SEPTIN9: variants seen among roughly 807,000 people sequenced by gnomAD.
SEPTIN9 encodes septin 9, also known as septin-9.
SEPTIN9 carries 13 observed loss-of-function variants against 56.6 expected under a neutral mutation model. The observed-to-expected ratio is 0.23, with a 90% confidence interval of 0.15 to 0.37. The LOEUF (loss-of-function observed/expected upper bound fraction) is 0.37. SEPTIN9 is among the 10% of genes least tolerant of loss of function. The pLI, the probability that SEPTIN9 is intolerant of heterozygous loss-of-function variation, is 1.00. For missense variants in SEPTIN9, 650 were observed against 823.1 expected, an observed-to-expected ratio of 0.79 and a Z score of 2.57; for synonymous variants, 332 against 334.1, an observed-to-expected ratio of 0.99 and a Z score of 0.07.
chr17:77,347,118 C>T (rs1395691570), intron 2 of SEPTIN9, among the ~76,000 whole-genome samples: 2 of 152,156 alleles, frequency 1.3e-5, no homozygotes. Context: ...TGGCTCACAC[C>T]TGTAATCCCA....
chr17:77,314,341 CTTTTTTTTTT>C (rs33986509), intron 2 of SEPTIN9, among the ~76,000 whole-genome samples: 1 of 67,956 alleles, frequency 1.5e-5, no homozygotes, highest in Non-Finnish European at 2.7e-5. Context: ...TGTGCCTGGA[CTTTTTTTTTT>C]TTTTTTTTTT....
chr17:77,479,762 G>A (rs2039374451), intron 3 of SEPTIN9, among the ~76,000 whole-genome samples: 1 of 152,010 alleles, frequency 6.6e-6, no homozygotes, highest in South Asian at 2.1e-4. Context: ...TGCTGGGGAG[G>A]GTTGAGGGAT....
Position 77,319,999 on chromosome 17 carries a change from C to T in SEPTIN9, c.76+12802C>T. 1 of 1,262,828 alleles carries T rather than the reference C, an allele frequency of 7.9e-7. No individual in the cohort carries two copies. The allele number at this position is 1,262,828 out of a possible 1,614,324, so 78.2% of individuals were successfully genotyped here. On this transcript the variant is annotated intron_variant, in intron 2 of 11. Transcript: ENST00000427177. This position sits in a 1 kb window ranked among gnomAD's most constrained non-coding sequence, Gnocchi z 5.3. ...TCTCGCAGGCAGACCCGGTGGTCTG[C>T]CGGACTCCTCGGGGCCCACTTCGGG...
chr17:77,480,323 T>C (rs898301767), intron 3 of SEPTIN9, among the ~76,000 whole-genome samples: 2 of 152,178 alleles, frequency 1.3e-5, no homozygotes, highest in African/African-American at 4.8e-5. Context: ...CTCTCTCACC[T>C]CTGATGCCTC....
chr17:77,391,597 C>A (rs1048173549), intron 2 of SEPTIN9, among the ~76,000 whole-genome samples: 5 of 152,198 alleles, frequency 3.3e-5, no homozygotes, highest in African/African-American at 1.2e-4. Flanking sequence ...TGATCATGTT[C>A]GCAGGTTCCA....
In SEPTIN9 at chr17:77,323,382, T is replaced by C. The variant is rs1032137919; in HGVS notation, c.76+16185T>C. Among the ~76,000 whole-genome samples the C allele has an allele frequency of 1.2e-4, 18 of 152,170 alleles. No individual in the cohort carries two copies. Among genetic ancestry groups the C allele is most frequent in the African/African-American group, 4.3e-4 (18 of 41,440 alleles). Reference sequence around the variant, plus strand: ...TTTTATCTTGTTCCAAGAGCTTGTATTTCAGCAGGGAGAGAGTCTCCAAGA... The same window carrying C: ...TTTTATCTTGTTCCAAGAGCTTGTACTTCAGCAGGGAGAGAGTCTCCAAGA... On this transcript the variant is annotated intron_variant, in intron 2 of 11. Coordinates refer to ENST00000427177, the MANE Select transcript of SEPTIN9 (RefSeq NM_001113491.2). The surrounding 1 kb of genome is among the most constrained non-coding windows in gnomAD (Gnocchi z 6.8).
At position 77,402,533 on chromosome 17, in the gene SEPTIN9, C is replaced by A; in HGVS notation, c.551C>A (p.Ala184Asp). 1 of 1,607,306 alleles carries A rather than the reference C, an allele frequency of 6.2e-7. No homozygotes were observed. Among genetic ancestry groups the A allele is most frequent in the Non-Finnish European group, 8.5e-7 (1 of 1,177,352 alleles). The change falls in exon 3 of 12, where the codon GCC becomes GAC. Residue 184 changes from alanine (A) to aspartate (D), a missense_variant. Ala to Asp is a moderately radical substitution (Grantham distance 126). This residue lies in a region of SEPTIN9 where 317 missense variants were observed against 329.1 expected (regional missense o/e 0.96). Coordinates refer to ENST00000427177, the MANE Select transcript of SEPTIN9 (RefSeq NM_001113491.2). This position sits in a 1 kb window ranked among gnomAD's most constrained non-coding sequence, Gnocchi z 6.6. ...EVPTAPATDA[A>D]PKRVEIQMPK... is the part of the protein sequence containing the mutation. ...CCCACTGCCCCTGCCACCGACGCAG[C>A]CCCCAAGAGGGTGGAGATCCAGATG...
chr17:77,375,847 G>A (rs950254154), intron 2 of SEPTIN9: 2 of 153,716 alleles, frequency 1.3e-5, no homozygotes, highest in Non-Finnish European at 2.9e-5. Flanking sequence ...CATGGGGGCT[G>A]ACCTGGGGTA....
At chr17:77,281,823 C>T in intron 1 of SEPTIN9, 1 of 466,168 alleles carries the variant, frequency 2.1e-6, no homozygotes, top group Non-Finnish European at 3.8e-6. Context: ...CCCTTGCACC[C>T]TCGCAGGAAT....
At chr17:77,481,792 C>A (rs1369344676) in intron 3 of SEPTIN9, 1 of 314,200 alleles carries the variant, frequency 3.2e-6, no homozygotes, top group East Asian at 6.6e-5. Context: ...TCTGAGCAGC[C>A]CTCCAGGGTA....
intron 3 of SEPTIN9, among the ~76,000 whole-genome samples, chr17:77,415,806 G>A (rs1318843184): frequency 6.6e-6 from 1 of 152,180 alleles, no homozygotes; most frequent in Admixed American, 6.5e-5. Context: ...GGAGGCATAA[G>A]GAGCAAAATA....
At chr17:77,440,012 G>C (rs552999979) in intron 3 of SEPTIN9, among the ~76,000 whole-genome samples, 64 of 152,302 alleles carry the variant, frequency 4.2e-4, no homozygotes, top group Non-Finnish European at 7.6e-4. Flanking sequence ...GATGCTGCCA[G>C]CACCCAGGGG....
At position 77,317,274 on chromosome 17, in the gene SEPTIN9, A is replaced by C. The variant is rs980594918; in HGVS notation, c.76+10077A>C. Reference sequence around the variant, plus strand: ...TGAAATCAGGGTGTCCACTGGGCATAGCCCTCTGGAGGCTCTAGGGCAGGG... The same window carrying C: ...TGAAATCAGGGTGTCCACTGGGCATCGCCCTCTGGAGGCTCTAGGGCAGGG... On this transcript the variant is annotated intron_variant, in intron 2 of 11. Transcript: ENST00000427177. This position sits in a 1 kb window ranked among gnomAD's most constrained non-coding sequence, Gnocchi z 4.2. 6.6e-6 allele frequency among the ~76,000 whole-genome samples: 1 copy of C among 152,110 alleles called. No homozygotes were observed. Among genetic ancestry groups the C allele is most frequent in the Non-Finnish European group, 1.5e-5 (1 of 68,014 alleles).
intron 3 of SEPTIN9, among the ~76,000 whole-genome samples, chr17:77,465,303 G>T (rs890181495): frequency 6.6e-6 from 1 of 152,240 alleles, no homozygotes; most frequent in African/African-American, 2.4e-5. Flanking sequence ...TCTGCAGTGA[G>T]TGCTGGTCTA....
chr17:77,321,218 C>T lies in SEPTIN9; in HGVS notation c.76+14021C>T, dbSNP rs57927100. On this transcript the variant is annotated intron_variant, in intron 2 of 11. Transcript: ENST00000427177. ...GCTTTGGGTATTCTGAAGTGACCTACGGGCCATGGAGCGGGAGGTCGCTAA... is the reference window on the plus strand; with the variant it reads ...GCTTTGGGTATTCTGAAGTGACCTATGGGCCATGGAGCGGGAGGTCGCTAA... 1.8e-3 allele frequency among the ~76,000 whole-genome samples: 271 copies of T among 152,118 alleles called. 10 individuals are homozygous for T. In the East Asian group the frequency reaches 0.046, roughly 26 times the overall value.
At chr17:77,283,144 AC>A (rs1168544563) in intron 1 of SEPTIN9, among the ~76,000 whole-genome samples, 2 of 135,794 alleles carry the variant, frequency 1.5e-5, no homozygotes, top group South Asian at 2.3e-4. Flanking sequence ...CACCTACCCC[AC>A]CCCTCACTGG....
intron 3 of SEPTIN9, among the ~76,000 whole-genome samples, chr17:77,415,685 C>A (rs947498797): frequency 1.3e-5 from 2 of 152,072 alleles, no homozygotes; most frequent in African/African-American, 4.8e-5. Flanking sequence ...GTGCCCGGCA[C>A]CGAAGCCGAG....
At chr17:77,426,904 A>C (rs532535040) in intron 3 of SEPTIN9, 51 of 152,370 alleles carry the variant, frequency 3.3e-4, no homozygotes, top group African/African-American at 1.2e-3. Context: ...GCCTCTGTCC[A>C]ACTGGAGCAG....
At chr17:77,461,641 T>TTAAAAAA in intron 3 of SEPTIN9, among the ~76,000 whole-genome samples, 1 of 152,372 alleles carries the variant, frequency 6.6e-6, no homozygotes, top group Non-Finnish European at 1.5e-5. Context: ...AATCTACAGT[T>TTAAAAAA]CAATGGTTTT....
Sources: gnomAD v4.1 joint callset for allele counts (sites outside exome capture counted in the v4.1 genomes callset) on GRCh38, gnomAD v4.1.1 for gene constraint, gnomAD v4.1.1 regional missense constraint, Gnocchi (gnomAD v3.1) non-coding constraint, MANE v1.5 for transcripts, NCBI Gene and HGNC (gene_info 2026-07-23, HGNC 2026-07-21) for gene names.